Variants in MDGA2 observed in about 807,000 individuals in gnomAD.
MDGA2 encodes MAM domain-containing glycosylphosphatidylinositol anchor protein 2.
In MDGA2, 40 loss-of-function variants were observed where a neutral mutation model predicts 117.8. The ratio of observed to expected loss-of-function variants is 0.34; its 90% confidence interval spans 0.26 to 0.44. MDGA2 has a LOEUF of 0.44. MDGA2 is among the 20% of genes least tolerant of loss of function. MDGA2 has a pLI of 1.00. For synonymous variants in MDGA2, 452 were observed against 439.0 expected, an observed-to-expected ratio of 1.03 and a Z score of -0.37; for missense variants, 1,123 against 1,250.6, an observed-to-expected ratio of 0.90 and a Z score of 1.54.
intron 8 of MDGA2, among the ~76,000 whole-genome samples, chr14:46,961,619 A>G (rs959224943): frequency 6.6e-6 from 1 of 151,892 alleles, no homozygotes; most frequent in Admixed American, 6.6e-5. Flanking sequence ...TTCTTTAAAC[A>G]AAGTAATTGT....
At chr14:47,668,438 A>G (rs1261186747) in intron 1 of MDGA2, among the ~76,000 whole-genome samples, 1 of 152,234 alleles carries the variant, frequency 6.6e-6, no homozygotes, top group Non-Finnish European at 1.5e-5. Flanking sequence ...TCTGCCTGAC[A>G]TAATGGTAAA....
At chr14:47,004,784 G>T (rs1013600442) in intron 8 of MDGA2, among the ~76,000 whole-genome samples, 1 of 151,534 alleles carries the variant, frequency 6.6e-6, no homozygotes, top group South Asian at 2.1e-4. Flanking sequence ...TAGTGTGCAG[G>T]TCTTTCACAT....
At chr14:47,589,473 T>C (rs1896395640) in intron 1 of MDGA2, among the ~76,000 whole-genome samples, 2 of 152,008 alleles carry the variant, frequency 1.3e-5, no homozygotes, top group South Asian at 4.1e-4. Flanking sequence ...AGCACCCTTA[T>C]GAAAAATCAA....
intron 1 of MDGA2, among the ~76,000 whole-genome samples, chr14:47,666,155 G>A: frequency 6.7e-6 from 1 of 149,870 alleles, no homozygotes; most frequent in Non-Finnish European, 1.5e-5. Context: ...AGGGTTTCTG[G>A]ATGCACCAAT....
rs1896104488 is a variant in MDGA2 at position 47,575,734 on chromosome 14, G to A, written c.280+98783C>T. On this transcript the variant is annotated intron_variant, in intron 1 of 16. Transcript: ENST00000399232. ...TTATCAGAGATCAAGATCAGCTACT[G>A]TAAGGATTTGAATTTCAATTACATA... Among the ~76,000 whole-genome samples, 3 of 152,254 alleles carry A rather than the reference G, an allele frequency of 2.0e-5. No homozygotes were observed. In the East Asian group the frequency reaches 5.8e-4, roughly 29 times the overall value.
intron 16 of MDGA2, among the ~76,000 whole-genome samples, chr14:46,844,928 C>T (rs762077591): frequency 1.3e-5 from 2 of 152,182 alleles, no homozygotes; most frequent in African/African-American, 4.8e-5. Context: ...GTCGCCCAGG[C>T]TGGAGTGCAG....
intron 1 of MDGA2, among the ~76,000 whole-genome samples, chr14:47,537,573 TTAAAAAAAAAAAAAAAAAAAAA>T (rs1291080668): frequency 7.0e-5 from 4 of 57,110 alleles, no homozygotes; most frequent in Admixed American, 2.3e-4. Flanking sequence ...CTTCTCTCTG[TTAAAAAAAAAAAAAAAAAAAAA>T]AAAAAAAAAA....
At chr14:47,674,443 G>C (rs1898136844) in intron 1 of MDGA2, 74 bp downstream of exon 1, 12 of 1,313,662 alleles carry the variant, frequency 9.1e-6, no homozygotes. Context: ...AACGGCGCGA[G>C]TCGTGCATTT....
At chr14:47,645,375 A>G (rs1053577987) in intron 1 of MDGA2, among the ~76,000 whole-genome samples, 1 of 151,788 alleles carries the variant, frequency 6.6e-6, no homozygotes, top group African/African-American at 2.4e-5. Context: ...CTGGGACTAC[A>G]GGCGCATGAC....
At chr14:47,462,074 C>A (rs747716852) in intron 1 of MDGA2, among the ~76,000 whole-genome samples, 11 of 152,128 alleles carry the variant, frequency 7.2e-5, no homozygotes, top group Non-Finnish European at 1.2e-4. Flanking sequence ...ACTCTAATTG[C>A]TTTCGTACCT....
intron 1 of MDGA2, among the ~76,000 whole-genome samples, chr14:47,540,538 G>A (rs1204406890): frequency 5.1e-4 from 38 of 73,930 alleles, no homozygotes; most frequent in African/African-American, 1.5e-3. Context: ...GTGTGTGTGT[G>A]TGTATATATA....
At chr14:46,895,599 G>A (rs371530057) in intron 10 of MDGA2, among the ~76,000 whole-genome samples, 5 of 151,980 alleles carry the variant, frequency 3.3e-5, no homozygotes, top group East Asian at 1.9e-4. Flanking sequence ...GGTGGCGGGC[G>A]CCTGTAGTTC....
intron 1 of MDGA2, among the ~76,000 whole-genome samples, chr14:47,584,244 G>A (rs529232950): frequency 1.3e-5 from 2 of 151,840 alleles, no homozygotes; most frequent in South Asian, 4.2e-4. Flanking sequence ...GGATACAAAT[G>A]TGAATCAAAT....
intron 9 of MDGA2, among the ~76,000 whole-genome samples, chr14:46,933,323 A>G (rs1483345743): frequency 6.6e-6 from 1 of 152,082 alleles, no homozygotes; most frequent in African/African-American, 2.4e-5. Context: ...GATTGATTTC[A>G]TTACTAGCAA....
At chr14:47,385,439 A>G (rs981465530) in intron 1 of MDGA2, among the ~76,000 whole-genome samples, 6 of 152,172 alleles carry the variant, frequency 3.9e-5, no homozygotes, top group Admixed American at 2.0e-4. Flanking sequence ...ATATGAAATT[A>G]TCTATCAAAA....
chr14:47,502,212 T>A (rs1256111189), intron 1 of MDGA2, among the ~76,000 whole-genome samples: 1 of 152,130 alleles, frequency 6.6e-6, no homozygotes, highest in Non-Finnish European at 1.5e-5. Context: ...TGTAATTATA[T>A]AATATATATT....
chr14:46,906,006 C>T (rs1369021746), intron 10 of MDGA2, among the ~76,000 whole-genome samples: 1 of 151,772 alleles, frequency 6.6e-6, no homozygotes, highest in Non-Finnish European at 1.5e-5. Flanking sequence ...ATTTTCAAAA[C>T]TTACAATGGC....
chr14:47,651,213 G>GGGGTGTGT (rs1304100486), intron 1 of MDGA2, among the ~76,000 whole-genome samples: 2 of 146,416 alleles, frequency 1.4e-5, no homozygotes, highest in East Asian at 2.1e-4. Flanking sequence ...GTGTGCATGT[G>GGGGTGTGT]GTGTGTGTGT....
intron 8 of MDGA2, among the ~76,000 whole-genome samples, chr14:46,998,625 T>C (rs1304806384): frequency 6.6e-6 from 1 of 152,126 alleles, no homozygotes; most frequent in African/African-American, 2.4e-5. Context: ...TACAAAATTC[T>C]TTTTAGTATA....
Sources: gnomAD v4.1 joint callset for allele counts (sites outside exome capture counted in the v4.1 genomes callset) on GRCh38, gnomAD v4.1.1 for gene constraint, MANE v1.5 for transcripts, NCBI Gene and HGNC (gene_info 2026-07-23, HGNC 2026-07-21) for gene names.